Variants in TCF20 observed in about 807,000 individuals in gnomAD.
TCF20 encodes the protein transcription factor 20.
TCF20 carries 3 observed loss-of-function variants against 148.6 expected under a neutral mutation model. The observed-to-expected ratio is 0.02, with a 90% CI of 0.01 to 0.05. The LOEUF is 0.05. Ranked by LOEUF, TCF20 falls within the 10% of genes least tolerant of loss-of-function variation. The pLI, the probability that TCF20 is intolerant of heterozygous loss-of-function variation, is 1.00. For missense variants in TCF20, 2,350 were observed against 2,429.3 expected (o/e 0.97, Z 0.69); for synonymous variants, 1,049 against 909.5 (o/e 1.15, Z -2.76).
At chr22:42,232,446 G>A (rs765986102) in intron 1 of TCF20, among the ~76,000 whole-genome samples, 2 of 152,048 alleles carry the variant, frequency 1.3e-5, no homozygotes, top group Admixed American at 1.3e-4. Flanking sequence ...TGCCAGAGAT[G>A]AAAATTAGAA....
At chr22:42,259,939 C>T (rs7290410) in intron 1 of TCF20, among the ~76,000 whole-genome samples, 1,874 of 152,228 alleles carry the variant, frequency 0.012, 34 homozygotes, top group African/African-American at 0.043. Context: ...AAGTGAGACC[C>T]TTGTCTCTAT....
chr22:42,214,552 G>A lies in TCF20; in HGVS notation c.754C>T (p.Arg252Cys), dbSNP rs1329396676. The change falls in exon 2 of 6, where the codon CGT becomes TGT. Residue 252 changes from arginine to cysteine, a missense_variant. Physicochemically the swap from Arg to Cys is radical, Grantham distance 180. Transcript: ENST00000677622. ...SSSSSFPSPQ[R>C]FSQSGQSYDG... is the part of the protein sequence containing the mutation. ...TAGCTCTGTCCAGACTGGCTAAAAC[G>A]CTGTGGTGAAGGGAAGGAGGAGGAG... 7 of 1,614,002 alleles carry A rather than the reference G, an allele frequency of 4.3e-6. No homozygotes were observed. Among genetic ancestry groups the A allele is most frequent in the Middle Eastern group, 1.6e-4 (1 of 6,084 alleles).
chr22:42,226,062 C>T (rs1180563236), intron 1 of TCF20, among the ~76,000 whole-genome samples: 3 of 152,174 alleles, frequency 2.0e-5, no homozygotes, highest in African/African-American at 7.2e-5. Context: ...ACCAAAGGCA[C>T]CTGGGCCCTA....
chr22:42,199,504 CTCTT>C (rs1937838870), intron 2 of TCF20, among the ~76,000 whole-genome samples: 1 of 152,012 alleles, frequency 6.6e-6, no homozygotes, highest in Non-Finnish European at 1.5e-5. Flanking sequence ...TTGACATGTG[CTCTT>C]TCTCAGTGTA....
chr22:42,168,260 G>A (rs373192731), intron 5 of TCF20, among the ~76,000 whole-genome samples: 1 of 152,264 alleles, frequency 6.6e-6, no homozygotes, highest in Admixed American at 6.5e-5. Context: ...TTTCTGAGAC[G>A]GGGGAAAGAG....
At chr22:42,176,864 A>G (rs899255318) in intron 3 of TCF20, among the ~76,000 whole-genome samples, 1 of 152,242 alleles carries the variant, frequency 6.6e-6, no homozygotes, top group Admixed American at 6.5e-5. Flanking sequence ...AAAGGAAGAG[A>G]TAAGTAGAGA....
rs770827850 is a variant in TCF20 at position 42,214,177 on chromosome 22, C to T, written c.1129G>A (p.Val377Ile). 6.2e-7 allele frequency: 1 copy of T among 1,614,210 alleles called. No individual in the cohort carries two copies. Among genetic ancestry groups the T allele is most frequent in the Non-Finnish European group, 8.5e-7 (1 of 1,180,052 alleles). Residue 377 changes from valine to isoleucine, a missense_variant, in exon 2 of 6, where the codon GTT (valine) becomes ATT (isoleucine). By Grantham distance (29) the Val-to-Ile change is conservative. This residue lies in a region of TCF20 where 1,641 missense variants were observed against 1,662.6 expected (regional missense o/e 0.99). Coordinates refer to ENST00000677622, the MANE Select transcript of TCF20 (RefSeq NM_001378418.1). ...GTAGAACTACAGCTTGGAGACTGAA[C>T]CACAGAGGCAGCTGGAGAAGGGTTA... The part of the protein sequence containing the change: ...ISNPSPAASV[V>I]QSPSCSSTPS...
chr22:42,184,580 G>A (rs937477873), intron 2 of TCF20, among the ~76,000 whole-genome samples: 9 of 152,074 alleles, frequency 5.9e-5, no homozygotes, highest in African/African-American at 2.2e-4. Context: ...TCACTGCACA[G>A]CTAAATGTCC....
At chr22:42,235,264 A>G (rs894252240) in intron 1 of TCF20, among the ~76,000 whole-genome samples, 15 of 152,210 alleles carry the variant, frequency 9.9e-5, no homozygotes, top group African/African-American at 3.4e-4. Context: ...AGACAAAAGA[A>G]AACTACTCCT....
chr22:42,197,401 C>CA (rs1937650063), intron 2 of TCF20, among the ~76,000 whole-genome samples: 1 of 150,858 alleles, frequency 6.6e-6, no homozygotes, highest in Non-Finnish European at 1.5e-5. Flanking sequence ...CGGCTCACTG[C>CA]AAGCTCCGCC....
rs543725927 is a variant in TCF20 at position 42,180,714 on chromosome 22, C to T, written c.5656-1012G>A. Among the ~76,000 whole-genome samples the T allele has an allele frequency of 2.5e-4, 38 of 152,310 alleles. No individual in the cohort carries two copies. In the South Asian group the frequency reaches 5.8e-3, roughly 23 times the overall value. ...CCAGCAACAGCAAAGCCCAAGCGCT[C>T]GCCACGCTCAGACTGAATGATCTCA... On this transcript the variant is annotated intron_variant, in intron 2 of 5. Coordinates refer to ENST00000677622, the MANE Select transcript of TCF20 (RefSeq NM_001378418.1).
intron 1 of TCF20, among the ~76,000 whole-genome samples, chr22:42,235,091 G>A (rs1013027745): frequency 1.3e-5 from 2 of 148,652 alleles, no homozygotes; most frequent in South Asian, 2.1e-4. Flanking sequence ...GCAGTGAGCC[G>A]AGATCGTGCC....
chr22:42,270,738 G>A (rs1926576623), upstream of TCF20, among the ~76,000 whole-genome samples: 2 of 143,998 alleles, frequency 1.4e-5, no homozygotes, highest in South Asian at 4.2e-4. Context: ...GGCGGGGCGG[G>A]GCGCGCGGCG....
At chr22:42,217,933 T>C (rs1293283443) in intron 1 of TCF20, among the ~76,000 whole-genome samples, 1 of 152,240 alleles carries the variant, frequency 6.6e-6, no homozygotes, top group African/African-American at 2.4e-5. Flanking sequence ...TCCTTAAGCT[T>C]GATTATATAG....
At chr22:42,189,575 T>A (rs1263423833) in intron 2 of TCF20, among the ~76,000 whole-genome samples, 1 of 152,248 alleles carries the variant, frequency 6.6e-6, no homozygotes, top group Non-Finnish European at 1.5e-5. Flanking sequence ...AACTGATTGT[T>A]TTCCGTTGTC....
chr22:42,212,026 G>T lies in TCF20; in HGVS notation c.3280C>A (p.Pro1094Thr). 6.2e-7 allele frequency: 1 copy of T among 1,614,144 alleles called. No homozygotes were observed. The highest frequency in any genetic ancestry group is 8.5e-7 in the Non-Finnish European group (1 of 1,180,036). Reference protein sequence around the residue: ...HYKRQMYQQQPEEYKDWSSGS... With the variant: ...HYKRQMYQQQTEEYKDWSSGS... ...CTGCTCCAGTCTTTATACTCCTCTG[G>T]TTGCTGTTGGTACATCTGTCTCTTA... The change falls in exon 2 of 6, where the codon CCA becomes ACA. Residue 1094 changes from proline (P) to threonine (T), a missense_variant. Pro to Thr is a conservative substitution (Grantham distance 38). This residue lies in a region of TCF20 where 1,641 missense variants were observed against 1,662.6 expected (regional missense o/e 0.99). Coordinates refer to ENST00000677622, the MANE Select transcript of TCF20 (RefSeq NM_001378418.1).
intron 5 of TCF20, among the ~76,000 whole-genome samples, chr22:42,164,498 T>A (rs1935663250): frequency 6.6e-6 from 1 of 152,008 alleles, no homozygotes; most frequent in Non-Finnish European, 1.5e-5. Context: ...GCTGGGATTA[T>A]AGGCGTTAGC....
intron 1 of TCF20, among the ~76,000 whole-genome samples, chr22:42,305,797 C>T (rs1927420931): frequency 6.6e-6 from 1 of 152,044 alleles, no homozygotes; most frequent in Non-Finnish European, 1.5e-5. Flanking sequence ...GACCTCCCAC[C>T]CCAGATCTGG....
chr22:42,330,201 C>T (rs1019344547), intron 1 of TCF20, among the ~76,000 whole-genome samples: 2 of 152,208 alleles, frequency 1.3e-5, no homozygotes, highest in African/African-American at 2.4e-5. Context: ...GCCTTCTATG[C>T]TGTGGGTCTC....
Sources: allele counts gnomAD v4.1 joint callset (sites outside exome capture counted in the v4.1 genomes callset), GRCh38; gene constraint gnomAD v4.1.1; regional missense constraint gnomAD v4.1.1; transcripts MANE v1.5; gene names NCBI Gene and HGNC (gene_info 2026-07-23, HGNC 2026-07-21).